Variants in FREM2 observed in about 807,000 individuals in gnomAD.
FREM2 encodes FRAS1-related extracellular matrix protein 2.
Under a neutral mutation model 219.9 loss-of-function variants are expected in FREM2, and 119 were observed. That is an observed-to-expected ratio of 0.54 (90% CI 0.47 to 0.63). FREM2 has a LOEUF of 0.63. FREM2 is among the 30% of genes least tolerant of loss of function. FREM2 has a pLI of 0.00. For synonymous variants in FREM2, 1,562 were observed against 1,522.8 expected (o/e 1.03, Z -0.60); for missense variants, 4,030 against 3,993.6 (o/e 1.01, Z -0.25).
Position 38,769,568 on chromosome 13 carries a change from T to C in FREM2, c.5411-10T>C, listed in dbSNP as rs1240479182. On this transcript the variant is annotated splice_polypyrimidine_tract_variant and intron_variant, in intron 3 of 23. Transcript: ENST00000280481. ...TGAAACTAAGAAAATGATATTATGT[T>C]TTTGTGAAGGTATTGGCACAAGAGA... is the stretch of plus-strand genomic sequence containing the variant. 6.2e-7 allele frequency: 1 copy of C among 1,602,084 alleles called. No homozygotes were observed. Among genetic ancestry groups the C allele is most frequent in the Non-Finnish European group, 8.6e-7 (1 of 1,169,438 alleles).
chr13:38,751,777 A>G (rs1463010196), intron 2 of FREM2, among the ~76,000 whole-genome samples: 1 of 152,176 alleles, frequency 6.6e-6, no homozygotes, highest in Non-Finnish European at 1.5e-5. Flanking sequence ...AATATCAATT[A>G]AATAAAACTG....
chr13:38,847,242 A>G (rs1390282999), intron 7 of FREM2, among the ~76,000 whole-genome samples: 3 of 152,206 alleles, frequency 2.0e-5, no homozygotes, highest in South Asian at 2.1e-4. Flanking sequence ...TCCGGGATCC[A>G]CATCTCCAAA....
At chr13:38,754,883 G>GATTATTATTATT (rs1410276058) in intron 2 of FREM2, among the ~76,000 whole-genome samples, 2 of 83,942 alleles carry the variant, frequency 2.4e-5, no homozygotes, top group African/African-American at 4.2e-5. Context: ...TGATGATGAT[G>GATTATTATTATT]ATGATGATGA....
chr13:38,688,460 C>T lies in FREM2; in HGVS notation c.1116C>T (p.Ser372=), dbSNP rs1339711862. Residue 372 remains serine, a synonymous_variant, in exon 1 of 24, where the codon AGC becomes AGT. Transcript: ENST00000280481. ...PFQPGQGYLV[S]TDDRSLPLSS... ...AGCCTGGCCAGGGCTACTTGGTGAG[C>T]ACCGATGATCGCAGCCTGCCCCTTT... The T allele has an allele frequency of 6.8e-6, 11 of 1,614,006 alleles. No individual in the cohort carries two copies. Among genetic ancestry groups the T allele is most frequent in the Non-Finnish European group, 9.3e-6 (11 of 1,180,030 alleles).
intron 2 of FREM2, among the ~76,000 whole-genome samples, chr13:38,727,369 C>T (rs1871571175): frequency 6.6e-6 from 1 of 152,100 alleles, no homozygotes; most frequent in Non-Finnish European, 1.5e-5. Context: ...ATCTCAGATA[C>T]TTGGGAGGCT....
At chr13:38,827,404 C>G (rs906675826) in intron 6 of FREM2, 1 of 152,066 alleles carries the variant, frequency 6.6e-6, no homozygotes, top group Non-Finnish European at 1.5e-5. Context: ...GGTGTGTTCT[C>G]ACATACCTGA....
At chr13:38,712,288 C>A (rs1870807304) in intron 2 of FREM2, among the ~76,000 whole-genome samples, 1 of 152,142 alleles carries the variant, frequency 6.6e-6, no homozygotes, top group Non-Finnish European at 1.5e-5. Context: ...ATACTCTAGA[C>A]AAATATGATT....
chr13:38,689,388 A>C lies in FREM2; in HGVS notation c.2044A>C (p.Asn682His), dbSNP rs1276780951. 8.7e-6 allele frequency: 14 copies of C among 1,613,960 alleles called. No homozygotes were observed. The highest frequency in any genetic ancestry group is 1.2e-5 in the Non-Finnish European group (14 of 1,179,980). ...AGTCCAGGATAACCATGACCCTCCT[A>C]ATCAGTCCGGGCTACAGCGGTTTGT... ...FRVQDNHDPP[N>H]QSGLQRFVIR... The change falls in exon 1 of 24, where the codon AAT (asparagine) becomes CAT (histidine). Residue 682 changes from asparagine (N) to histidine (H), a missense_variant. This residue lies in a region of FREM2 where 3,102 missense variants were observed against 2,950.7 expected (regional missense o/e 1.05). Transcript: ENST00000280481.
intron 6 of FREM2, among the ~76,000 whole-genome samples, chr13:38,786,486 GA>G (rs1874335291): frequency 6.6e-6 from 1 of 152,016 alleles, no homozygotes; most frequent in Non-Finnish European, 1.5e-5. Flanking sequence ...ATAAAGTACA[GA>G]AATTTTATTT....
At chr13:38,724,376 C>T (rs1041092713) in intron 2 of FREM2, among the ~76,000 whole-genome samples, 2 of 152,076 alleles carry the variant, frequency 1.3e-5, no homozygotes, top group African/African-American at 4.8e-5. Context: ...TGAAACTTAA[C>T]CAATATTTCA....
chr13:38,765,120 C>G (rs541254634), intron 3 of FREM2, among the ~76,000 whole-genome samples: 2 of 152,142 alleles, frequency 1.3e-5, no homozygotes, highest in African/African-American at 4.8e-5. Flanking sequence ...CCGTGTTAGC[C>G]AGGATAGTCT....
At chr13:38,735,258 A>C (rs994574873) in intron 2 of FREM2, among the ~76,000 whole-genome samples, 1 of 152,188 alleles carries the variant, frequency 6.6e-6, no homozygotes, top group Non-Finnish European at 1.5e-5. Context: ...CCTTATATAG[A>C]AAATATTAAA....
intron 2 of FREM2, among the ~76,000 whole-genome samples, chr13:38,762,778 G>A (rs913104909): frequency 8.5e-5 from 13 of 152,074 alleles, no homozygotes; most frequent in South Asian, 2.1e-4. Context: ...ACTAAAAATA[G>A]GAAAGTCCAT....
chr13:38,880,166 A>T, intron 23 of FREM2, 118 bp from the exon 24 acceptor site: 1 of 1,112,102 alleles, frequency 9.0e-7, no homozygotes, highest in Non-Finnish European at 1.4e-6. Context: ...AAGTAAGTTA[A>T]TTCTGCAGAC....
chr13:38,813,557 CTCTCTCTA>C (rs1319491249), intron 6 of FREM2, among the ~76,000 whole-genome samples: 7 of 14,840 alleles, frequency 4.7e-4, no homozygotes, highest in East Asian at 1.7e-3. Context: ...CTCTCTCTCT[CTCTCTCTA>C]TATATATATA....
intron 6 of FREM2, among the ~76,000 whole-genome samples, chr13:38,818,906 A>G (rs962377508): frequency 3.3e-5 from 5 of 152,062 alleles, no homozygotes; most frequent in African/African-American, 7.2e-5. Context: ...AAAAAATGCT[A>G]GAAGAAAGGC....
At chr13:38,701,542 T>C (rs1870342226) in intron 2 of FREM2, among the ~76,000 whole-genome samples, 1 of 152,152 alleles carries the variant, frequency 6.6e-6, no homozygotes, top group Non-Finnish European at 1.5e-5. Context: ...TTATCCTCTT[T>C]GTAGTCAAAC....
chr13:38,856,045 T>TAAAAAAAAAAAAAAAAA (rs34182165), intron 11 of FREM2, 81 bp from the exon 12 acceptor site: 2 of 507,128 alleles, frequency 3.9e-6, no homozygotes, highest in Non-Finnish European at 6.3e-6. Flanking sequence ...TAGGCCACAG[T>TAAAAAAAAAAAAAAAAA]AAAAAAAAAA....
chr13:38,790,196 A>G (rs953255743), intron 6 of FREM2, among the ~76,000 whole-genome samples: 3 of 152,176 alleles, frequency 2.0e-5, no homozygotes, highest in African/African-American at 7.2e-5. Context: ...AACAAGCTCC[A>G]TAAGAGGATG....
Sources: allele counts gnomAD v4.1 joint callset (sites outside exome capture counted in the v4.1 genomes callset), GRCh38; gene constraint gnomAD v4.1.1; regional missense constraint gnomAD v4.1.1; transcripts MANE v1.5; gene names NCBI Gene and HGNC (gene_info 2026-07-23, HGNC 2026-07-21).